ANK2: variants seen among roughly 807,000 people sequenced by gnomAD.
The protein encoded by ANK2 is ankyrin-2.
Under a neutral mutation model 360.5 loss-of-function variants are expected in ANK2, and 83 were observed. The observed-to-expected ratio is 0.23, with a 90% confidence interval of 0.19 to 0.28. The LOEUF is 0.28. Ranked by LOEUF, ANK2 falls within the 10% of genes least tolerant of loss-of-function variation. The pLI is 1.00. For missense variants in ANK2, 4,201 were observed against 4,795.7 expected, an observed-to-expected ratio of 0.88 and a Z score of 3.66; for synonymous variants, 1,740 against 1,759.5, an observed-to-expected ratio of 0.99 and a Z score of 0.28.
At chr4:112,969,393 T>G (rs2154265195) in intron 2 of ANK2, among the ~76,000 whole-genome samples, 1 of 152,332 alleles carries the variant, frequency 6.6e-6, no homozygotes, top group South Asian at 2.1e-4. Flanking sequence ...TTCCCTTACT[T>G]CCAAATTTCT....
chr4:112,898,176 T>C (rs904201109), intron 1 of ANK2, among the ~76,000 whole-genome samples: 3 of 152,194 alleles, frequency 2.0e-5, no homozygotes, highest in Non-Finnish European at 4.4e-5. Flanking sequence ...TAGCATGGCA[T>C]ATTTATTGCA....
intron 4 of ANK2, among the ~76,000 whole-genome samples, chr4:113,204,857 G>A (rs1310141456): frequency 6.6e-6 from 1 of 152,174 alleles, no homozygotes; most frequent in East Asian, 1.9e-4. Flanking sequence ...CGATTCAGGT[G>A]TACTGGGAGG....
chr4:112,937,140 C>A (rs745360177), intron 2 of ANK2, among the ~76,000 whole-genome samples: 1 of 151,928 alleles, frequency 6.6e-6, no homozygotes, highest in Non-Finnish European at 1.5e-5. Flanking sequence ...ACAAATAGAT[C>A]TGAATTTGGT....
At chr4:113,271,540 T>A (rs891508356) in intron 14 of ANK2, among the ~76,000 whole-genome samples, 2 of 151,782 alleles carry the variant, frequency 1.3e-5, no homozygotes, top group Non-Finnish European at 2.9e-5. Context: ...ATAACATTGC[T>A]CGAGAATTCA....
intron 2 of ANK2, among the ~76,000 whole-genome samples, chr4:113,177,192 T>A (rs1431319623): frequency 6.6e-6 from 1 of 152,150 alleles, no homozygotes; most frequent in Non-Finnish European, 1.5e-5. Context: ...GCCATTCTCC[T>A]GCCTCAGCCT....
intron 2 of ANK2, among the ~76,000 whole-genome samples, chr4:113,188,226 T>A (rs1387076289): frequency 1.3e-5 from 2 of 152,220 alleles, no homozygotes; most frequent in Non-Finnish European, 2.9e-5. Context: ...TCTGGACAAG[T>A]ACTAACAAGT....
intron 2 of ANK2, among the ~76,000 whole-genome samples, chr4:113,027,857 G>A (rs183539520): frequency 7.9e-5 from 12 of 152,194 alleles, no homozygotes; most frequent in Admixed American, 7.2e-4. Context: ...TGGTGATTTT[G>A]GATGAAATGA....
At chr4:113,079,218 T>C (rs1241805739) in intron 1 of ANK2, among the ~76,000 whole-genome samples, 1 of 152,206 alleles carries the variant, frequency 6.6e-6, no homozygotes, top group African/African-American at 2.4e-5. Context: ...TCTATTGAGT[T>C]AGTGTTTTAT....
intron 2 of ANK2, among the ~76,000 whole-genome samples, chr4:112,941,035 G>T (rs2154246500): frequency 6.6e-6 from 1 of 152,148 alleles, no homozygotes; most frequent in South Asian, 2.1e-4. Context: ...CTGAAAAATT[G>T]TGAGAAGAGT....
the ANK2 span, among the ~76,000 whole-genome samples, chr4:112,740,362 A>G: frequency 3.3e-5 from 5 of 151,938 alleles, no homozygotes; most frequent in Non-Finnish European, 7.4e-5. Flanking sequence ...TTCAGCCTCC[A>G]GAGTACCTGG....
intron 1 of ANK2, among the ~76,000 whole-genome samples, chr4:112,843,761 T>C (rs1334589067): frequency 1.3e-5 from 2 of 152,222 alleles, no homozygotes; most frequent in African/African-American, 4.8e-5. Context: ...TTGTCCTTAA[T>C]GTATTATAGT....
At chr4:112,973,130 CTGTGTA>C (rs149538125) in intron 2 of ANK2, among the ~76,000 whole-genome samples, 2,740 of 150,390 alleles carry the variant, frequency 0.018, 46 homozygotes, top group Middle Eastern at 0.038. Flanking sequence ...AAGAACTTAT[CTGTGTA>C]ACCAAAACCC....
At chr4:113,347,392 T>C (rs1162446322) in intron 35 of ANK2, among the ~76,000 whole-genome samples, 2 of 152,160 alleles carry the variant, frequency 1.3e-5, no homozygotes, top group African/African-American at 4.8e-5. Flanking sequence ...TGATTAGTAG[T>C]GAGTCAGTGG....
intron 32 of ANK2, among the ~76,000 whole-genome samples, chr4:113,341,278 G>A (rs2094269038): frequency 6.6e-6 from 1 of 151,956 alleles, no homozygotes; most frequent in African/African-American, 2.4e-5. Context: ...TAGGGAGGGG[G>A]GATCAAGGAA....
At chr4:112,848,564 CTG>C (rs2063882359) in intron 1 of ANK2, among the ~76,000 whole-genome samples, 1 of 152,210 alleles carries the variant, frequency 6.6e-6, no homozygotes, top group Non-Finnish European at 1.5e-5. Flanking sequence ...CACTTCTACT[CTG>C]TAATTTTTTG....
intron 2 of ANK2, chr4:113,034,669 A>G (rs113832440): frequency 6.6e-6 from 1 of 151,982 alleles, no homozygotes; most frequent in Non-Finnish European, 1.5e-5. Context: ...AAATGTAGAG[A>G]GTGAGTAAAT....
chr4:113,287,497 A>C (rs1164369444), intron 18 of ANK2, 108 bp from the exon 19 acceptor site: 1 of 890,084 alleles, frequency 1.1e-6, no homozygotes, highest in Non-Finnish European at 1.8e-6. Context: ...AGAGGCTATG[A>C]GTTTTCCAGG....
chr4:113,348,443 A>C, intron 36 of ANK2, 135 bp downstream of exon 36: 2 of 889,096 alleles, frequency 2.2e-6, no homozygotes, highest in Non-Finnish European at 3.7e-6. Context: ...ATTTTACTTA[A>C]CCTCTCTAAG....
chr4:112,964,457 C>T (rs541434610), intron 2 of ANK2, among the ~76,000 whole-genome samples: 1 of 152,148 alleles, frequency 6.6e-6, no homozygotes, highest in South Asian at 2.1e-4. Flanking sequence ...TGACATTTCA[C>T]TTAGCATAAT....
Sources: gnomAD v4.1 joint callset for allele counts (sites outside exome capture counted in the v4.1 genomes callset) on GRCh38, gnomAD v4.1.1 for gene constraint, MANE v1.5 for transcripts, NCBI Gene and HGNC (gene_info 2026-07-23, HGNC 2026-07-21) for gene names.